NTN1: variants seen among roughly 807,000 people sequenced by gnomAD.
NTN1 encodes netrin 1, also known as netrin-1.
In NTN1, 11 loss-of-function variants were observed where a neutral mutation model predicts 54.2. The ratio of observed to expected loss-of-function variants is 0.20; its 90% confidence interval spans 0.13 to 0.34. The LOEUF (loss-of-function observed/expected upper bound fraction) is 0.34, where lower values mean the gene tolerates loss of function less well. Ranked by LOEUF, NTN1 falls within the 10% of genes least tolerant of loss-of-function variation. The probability of loss-of-function intolerance (pLI) is 1.00; values close to 1 mark genes in which losing one functional copy is unlikely to be tolerated. For synonymous variants in NTN1, 371 were observed against 382.0 expected (o/e 0.97, Z 0.33); for missense variants, 740 against 893.1 (o/e 0.83, Z 2.18).
chr17:9,168,656 G>A (rs1198406613), intron 3 of NTN1, among the ~76,000 whole-genome samples: 3 of 152,190 alleles, frequency 2.0e-5, no homozygotes, highest in Non-Finnish European at 2.9e-5. Context: ...GTGTGAATAT[G>A]TGTGTTTAGA....
intron 2 of NTN1, among the ~76,000 whole-genome samples, chr17:9,114,941 G>T (rs1208933254): frequency 2.0e-5 from 3 of 152,178 alleles, no homozygotes; most frequent in Non-Finnish European, 4.4e-5. Flanking sequence ...CCACCCAAGG[G>T]CAGTCTGTAT....
intron 2 of NTN1, among the ~76,000 whole-genome samples, chr17:9,057,733 G>A (rs558435250): frequency 6.6e-5 from 10 of 152,250 alleles, no homozygotes; most frequent in South Asian, 4.1e-4. Flanking sequence ...ACGTAAGGAC[G>A]TTTTCCAGAA....
intron 2 of NTN1, among the ~76,000 whole-genome samples, chr17:9,137,213 A>C (rs2092283863): frequency 1.3e-5 from 2 of 152,156 alleles, no homozygotes; most frequent in African/African-American, 4.8e-5. Context: ...AGTTTTGTTC[A>C]TGCATCGTCT....
At chr17:9,091,592 T>G (rs1430244391) in intron 2 of NTN1, among the ~76,000 whole-genome samples, 4 of 151,948 alleles carry the variant, frequency 2.6e-5, no homozygotes, top group Non-Finnish European at 4.4e-5. Flanking sequence ...TAGCTGGGAT[T>G]ACAGGCATGT....
At chr17:9,031,854 C>T (rs1390388072) in intron 2 of NTN1, among the ~76,000 whole-genome samples, 2 of 151,908 alleles carry the variant, frequency 1.3e-5, no homozygotes, top group Non-Finnish European at 2.9e-5. Flanking sequence ...CCTAACTACT[C>T]AGAGGTTGAG....
At chr17:9,222,494 A>G (rs1463752802) in intron 6 of NTN1, among the ~76,000 whole-genome samples, 2 of 152,204 alleles carry the variant, frequency 1.3e-5, no homozygotes, top group African/African-American at 4.8e-5. Flanking sequence ...AGATGATGCC[A>G]CTTGCTGAGT....
At chr17:9,196,158 G>C (rs1175303059) in intron 5 of NTN1, among the ~76,000 whole-genome samples, 1 of 152,232 alleles carries the variant, frequency 6.6e-6, no homozygotes, top group African/African-American at 2.4e-5. Flanking sequence ...CTGGGGTGCA[G>C]AGCCAGCCTC....
intron 2 of NTN1, among the ~76,000 whole-genome samples, chr17:9,038,880 GCCA>G (rs2091912292): frequency 6.6e-6 from 1 of 151,988 alleles, no homozygotes; most frequent in Non-Finnish European, 1.5e-5. Context: ...CCACCTTGTT[GCCA>G]GAACTCGAAG....
intron 2 of NTN1, among the ~76,000 whole-genome samples, chr17:9,048,892 G>A (rs1179401004): frequency 6.6e-6 from 1 of 152,174 alleles, no homozygotes; most frequent in Non-Finnish European, 1.5e-5. Context: ...CTGACCTCAG[G>A]TGATCCATCT....
At chr17:9,146,286 G>A (rs953422609) in intron 2 of NTN1, among the ~76,000 whole-genome samples, 3 of 152,220 alleles carry the variant, frequency 2.0e-5, no homozygotes, top group African/African-American at 4.8e-5. Context: ...CGTGAGTCAT[G>A]TGTCACTGTT....
chr17:9,061,318 A>G (rs1189581353), intron 2 of NTN1, among the ~76,000 whole-genome samples: 1 of 152,128 alleles, frequency 6.6e-6, no homozygotes, highest in East Asian at 1.9e-4. Context: ...GGTGAGTGGA[A>G]TGAGTGACAG....
At chr17:9,168,069 T>G (rs972189428) in intron 3 of NTN1, among the ~76,000 whole-genome samples, 11 of 152,074 alleles carry the variant, frequency 7.2e-5, no homozygotes, top group African/African-American at 2.4e-4. Flanking sequence ...CCACAGAGAA[T>G]AAGAAATGAG....
intron 2 of NTN1, among the ~76,000 whole-genome samples, chr17:9,103,290 A>C (rs2092156136): frequency 6.6e-6 from 1 of 152,150 alleles, no homozygotes; most frequent in Admixed American, 6.5e-5. Context: ...TTGATGAATG[A>C]ATGAACTAAA....
rs187756832 is a variant in NTN1, at chr17:9,168,945, G to T, written c.1207+5944G>T. Among the ~76,000 whole-genome samples, 3 of 152,302 alleles carry T rather than the reference G, an allele frequency of 2.0e-5. No homozygotes were observed. In the East Asian group the frequency reaches 5.8e-4, roughly 29 times the overall value. On this transcript the variant is annotated intron_variant, in intron 3 of 6. Transcript: ENST00000173229. ...ACAGAGACCCCAAGGCAAGGAGTGG[G>T]CTTCATTATGGCCAGGTAAGGTTAG...
intron 2 of NTN1, among the ~76,000 whole-genome samples, chr17:9,148,326 T>C (rs1208797055): frequency 3.9e-5 from 6 of 152,174 alleles, no homozygotes; most frequent in African/African-American, 7.2e-5. Context: ...AGACAACCCT[T>C]TGAGTTAAGA....
intron 2 of NTN1, among the ~76,000 whole-genome samples, chr17:9,088,203 C>G (rs1366056285): frequency 6.6e-6 from 1 of 152,188 alleles, no homozygotes; most frequent in African/African-American, 2.4e-5. Context: ...ACGGCCGTGC[C>G]GAGGGACTTC....
At chr17:9,133,047 G>A (rs1174235734) in intron 2 of NTN1, among the ~76,000 whole-genome samples, 1 of 151,962 alleles carries the variant, frequency 6.6e-6, no homozygotes, top group Non-Finnish European at 1.5e-5. Context: ...CCTGGGATGA[G>A]GTCTCCTCCC....
chr17:9,204,603 G>A (rs1189724672), intron 5 of NTN1, among the ~76,000 whole-genome samples: 7 of 152,188 alleles, frequency 4.6e-5, no homozygotes, highest in African/African-American at 1.7e-4. Context: ...TCAGTTCCAA[G>A]GGGGTGGATT....
At chr17:9,194,446 G>T (rs1904567642) in intron 5 of NTN1, among the ~76,000 whole-genome samples, 1 of 152,218 alleles carries the variant, frequency 6.6e-6, no homozygotes. Context: ...GGAGTGAGTG[G>T]TGGGGTCAGA....
Sources: allele counts gnomAD v4.1 joint callset (sites outside exome capture counted in the v4.1 genomes callset), GRCh38; gene constraint gnomAD v4.1.1; transcripts MANE v1.5; gene names NCBI Gene and HGNC (gene_info 2026-07-23, HGNC 2026-07-21).